Variants in SORCS3 observed in about 807,000 individuals in gnomAD.
SORCS3 encodes sortilin related VPS10 domain containing receptor 3.
A neutral mutation model predicts 146.3 loss-of-function variants in SORCS3; 57 were observed. The ratio of observed to expected loss-of-function variants is 0.39; its 90% confidence interval spans 0.31 to 0.49. The LOEUF is 0.49. Among genes scored for constraint, SORCS3 ranks in the 20% least tolerant of loss-of-function variants. The probability of loss-of-function intolerance (pLI) is 0.92; values close to 1 mark genes in which losing one functional copy is unlikely to be tolerated. For missense variants in SORCS3, 1,341 were observed against 1,575.5 expected (o/e 0.85, Z 2.52); for synonymous variants, 653 against 618.5 (o/e 1.06, Z -0.83).
At chr10:105,129,172 A>G (rs2055997530) in intron 7 of SORCS3, among the ~76,000 whole-genome samples, 2 of 152,128 alleles carry the variant, frequency 1.3e-5, no homozygotes, top group South Asian at 4.1e-4. Context: ...AATTGACCTC[A>G]TAGTGTCCAC....
rs183900192 is a variant in SORCS3 at position 104,990,910 on chromosome 10, G to C, written c.954+13417G>C. 8.9e-4 allele frequency among the ~76,000 whole-genome samples: 135 copies of C among 152,272 alleles called. No individual in the cohort carries two copies. The South Asian group carries it at 9.9e-3, about 11-fold the overall frequency. ...TTTCAGACTTCTCACTTCCAGAGCT[G>C]TTCTAGAATAAATCTGTGTTGTCTT... On this transcript the variant is annotated intron_variant, in intron 4 of 26. Transcript: ENST00000369701.
chr10:105,228,478 ATTTC>A (rs1010741526), intron 20 of SORCS3, among the ~76,000 whole-genome samples: 3 of 117,720 alleles, frequency 2.5e-5, no homozygotes, highest in East Asian at 2.4e-4. Context: ...TGCTTTCTTG[ATTTC>A]TTTCTTTATT....
chr10:105,242,759 TTTTATATATTTTATATA>T (rs1162564180), intron 20 of SORCS3, among the ~76,000 whole-genome samples: 144 of 102,138 alleles, frequency 1.4e-3, no homozygotes, highest in African/African-American at 5.4e-3. Context: ...TATATTTATA[TTTTATATATTTTATATA>T]TTTATATATT....
In SORCS3 at chr10:105,189,748, C is replaced by T. The variant is rs1050322870; in HGVS notation, c.2010-10251C>T. ...TGTGTCCTTGAGCAGGCCTTAGTTT[C>T]CCCAGCTAGCATGTGAAAAGGTTGG... On this transcript the variant is annotated intron_variant, in intron 14 of 26. Coordinates refer to ENST00000369701, the MANE Select transcript of SORCS3 (RefSeq NM_014978.3). Among the ~76,000 whole-genome samples, 8 of 152,242 alleles carry T rather than the reference C, an allele frequency of 5.3e-5. No homozygotes were observed. In the South Asian group the frequency reaches 1.7e-3, roughly 32 times the overall value.
intron 14 of SORCS3, among the ~76,000 whole-genome samples, chr10:105,197,730 G>T (rs943410609): frequency 1.2e-4 from 18 of 152,094 alleles, no homozygotes; most frequent in African/African-American, 3.9e-4. Context: ...AATTACCATG[G>T]AGAGGATCTA....
chr10:104,749,718 A>G (rs906858832), intron 1 of SORCS3, among the ~76,000 whole-genome samples: 1 of 151,888 alleles, frequency 6.6e-6, no homozygotes, highest in Non-Finnish European at 1.5e-5. Flanking sequence ...AACTTTGCTG[A>G]CTCCAAAGCC....
At chr10:104,885,383 G>C (rs979533158) in intron 2 of SORCS3, among the ~76,000 whole-genome samples, 1 of 152,148 alleles carries the variant, frequency 6.6e-6, no homozygotes, top group Non-Finnish European at 1.5e-5. Flanking sequence ...TTTCAAGTGA[G>C]CAAGACACAC....
chr10:104,779,079 G>A (rs1164458151), intron 1 of SORCS3, among the ~76,000 whole-genome samples: 1 of 152,146 alleles, frequency 6.6e-6, no homozygotes, highest in African/African-American at 2.4e-5. Context: ...TCATTGGGTG[G>A]CACAAGGAAG....
intron 11 of SORCS3, among the ~76,000 whole-genome samples, chr10:105,161,884 C>G (rs11192343): frequency 6.6e-6 from 1 of 152,052 alleles, no homozygotes; most frequent in Non-Finnish European, 1.5e-5. Flanking sequence ...CAGCCAGACC[C>G]GTCTCTGAGC....
chr10:104,798,439 A>G (rs149861895), intron 1 of SORCS3, among the ~76,000 whole-genome samples: 67 of 152,302 alleles, frequency 4.4e-4, no homozygotes, highest in African/African-American at 1.5e-3. Context: ...CTGCATAACA[A>G]TCACAGAGAA....
chr10:105,224,630 AG>A (rs2056723385), intron 20 of SORCS3, among the ~76,000 whole-genome samples: 1 of 152,290 alleles, frequency 6.6e-6, no homozygotes, highest in Admixed American at 6.5e-5. Context: ...ATCTTATGGT[AG>A]CAATATGTTT....
intron 16 of SORCS3, among the ~76,000 whole-genome samples, chr10:105,201,792 C>T (rs973195135): frequency 6.6e-6 from 1 of 152,210 alleles, no homozygotes; most frequent in Non-Finnish European, 1.5e-5. Flanking sequence ...TGGTTGGACA[C>T]ATATGTGTCT....
intron 4 of SORCS3, among the ~76,000 whole-genome samples, chr10:105,005,984 G>T (rs180996978): frequency 6.6e-6 from 1 of 151,986 alleles, no homozygotes; most frequent in South Asian, 2.1e-4. Flanking sequence ...TTGCTCTGTC[G>T]CCCAGGCTTG....
chr10:104,793,154 A>T (rs2017513973), intron 1 of SORCS3, among the ~76,000 whole-genome samples: 1 of 151,222 alleles, frequency 6.6e-6, no homozygotes, highest in South Asian at 2.1e-4. Flanking sequence ...AGAGGTGATT[A>T]TTTTTTTTTC....
Position 105,214,431 on chromosome 10 carries a change from A to G in SORCS3, c.2376-11A>G. Reference sequence around the variant, plus strand: ...CAACACAAACCACTATCAATTGTCAATTCTACTTAGGTATCGGCGGATTGT... The same window carrying G: ...CAACACAAACCACTATCAATTGTCAGTTCTACTTAGGTATCGGCGGATTGT... On this transcript the variant is annotated splice_polypyrimidine_tract_variant and intron_variant, in intron 17 of 26. Transcript: ENST00000369701. 5.0e-6 allele frequency: 8 copies of G among 1,614,034 alleles called. No individual in the cohort carries two copies. Among genetic ancestry groups the G allele is most frequent in the Non-Finnish European group, 6.8e-6 (8 of 1,179,962 alleles).
chr10:105,049,210 G>C (rs936164869), intron 5 of SORCS3, among the ~76,000 whole-genome samples: 3 of 152,036 alleles, frequency 2.0e-5, no homozygotes, highest in Non-Finnish European at 4.4e-5. Context: ...TTCTTGAAGA[G>C]GGTTACAAAG....
rs56203751 is a variant in SORCS3 at position 104,735,456 on chromosome 10, G to GTTTTTTTTTTTTTTTTTTTTTTTTT, written c.627+93523_627+93524insTTTTTTTTTTTTTTTTTTTTTTTTT. On this transcript the variant is annotated intron_variant, in intron 1 of 26. Transcript: ENST00000369701. ...CGGTATTCATGAGCTCTCACCGTCT[G>GTTTTTTTTTTTTTTTTTTTTTTTTT]TTTTTTTTTTTTTTTTTTTTTAATC... Among the ~76,000 whole-genome samples, 81 of 34,980 alleles carry GTTTTTTTTTTTTTTTTTTTTTTTTT rather than the reference G, an allele frequency of 2.3e-3. 21 individuals carry two copies. Among genetic ancestry groups the GTTTTTTTTTTTTTTTTTTTTTTTTT allele is most frequent in the East Asian group, 6.3e-3 (4 of 632 alleles). The allele number at this position is 34,980 out of a possible 152,430, so 22.9% of individuals were successfully genotyped here.
chr10:105,258,582 C>T (rs1176489938), intron 25 of SORCS3, among the ~76,000 whole-genome samples: 1 of 152,118 alleles, frequency 6.6e-6, no homozygotes, highest in African/African-American at 2.4e-5. Context: ...CAGGTGGATC[C>T]AAAGTAAGGA....
intron 23 of SORCS3, among the ~76,000 whole-genome samples, chr10:105,254,713 C>T (rs1275736735): frequency 2.0e-5 from 3 of 149,558 alleles, no homozygotes; most frequent in African/African-American, 7.4e-5. Context: ...GCAGGAGAAT[C>T]GCTTGAACCC....
Sources: allele counts gnomAD v4.1 joint callset (sites outside exome capture counted in the v4.1 genomes callset), GRCh38; gene constraint gnomAD v4.1.1; transcripts MANE v1.5; gene names NCBI Gene and HGNC (gene_info 2026-07-23, HGNC 2026-07-21).